CD8B2: variants seen among roughly 807,000 people sequenced by gnomAD.
CD8B2 encodes T-cell surface glycoprotein CD8 beta-2 chain.
A neutral mutation model predicts 23.7 loss-of-function variants in CD8B2; 11 were observed. The observed-to-expected ratio is 0.46, with a 90% CI of 0.29 to 0.77. The LOEUF is 0.77. Among genes scored for constraint, CD8B2 ranks in the 30% least tolerant of loss-of-function variants. CD8B2 has a pLI of 0.09. For missense variants in CD8B2, 197 were observed against 270.5 expected (o/e 0.73, Z 1.91); for synonymous variants, 90 against 109.3 (o/e 0.82, Z 1.10).
At chr2:106,525,364 G>A (rs913654984) in intron 5 of CD8B2, among the ~76,000 whole-genome samples, 1 of 152,128 alleles carries the variant, frequency 6.6e-6, no homozygotes. Flanking sequence ...CAGGTCTTGG[G>A]CATGTTTGTT....
At chr2:106,503,821 A>T (rs1679457587) in intron 4 of CD8B2, among the ~76,000 whole-genome samples, 1 of 152,206 alleles carries the variant, frequency 6.6e-6, no homozygotes, top group Admixed American at 6.5e-5. Context: ...AAATGTCAAT[A>T]GACATGCTTT....
At chr2:106,511,577 C>T (rs1343552916), downstream of CD8B2, among the ~76,000 whole-genome samples, 2 of 152,006 alleles carry the variant, frequency 1.3e-5, no homozygotes, top group African/African-American at 2.4e-5. Context: ...CCCCGCCCCG[C>T]AGCTTGTGTC....
At chr2:106,513,329 A>G (rs1679672909), downstream of CD8B2, among the ~76,000 whole-genome samples, 1 of 152,108 alleles carries the variant, frequency 6.6e-6, no homozygotes, top group Non-Finnish European at 1.5e-5. Context: ...ACACAGGCTC[A>G]AGGCTGGCAC....
At chr2:106,487,522 G>C (rs1395440047) in intron 1 of CD8B2, 53 bp downstream of exon 1, 14 of 1,092,376 alleles carry the variant, frequency 1.3e-5, no homozygotes, top group Non-Finnish European at 1.4e-5. Context: ...GGGCCTGAGC[G>C]GGGAGGTGAT....
At chr2:106,522,417 T>C (rs1558884038) in intron 5 of CD8B2, among the ~76,000 whole-genome samples, 2 of 152,192 alleles carry the variant, frequency 1.3e-5, no homozygotes, top group African/African-American at 4.8e-5. Flanking sequence ...GAAGAATAAG[T>C]CACCAATTAA....
At chr2:106,494,788 C>T (rs1206725556) in intron 2 of CD8B2, among the ~76,000 whole-genome samples, 1 of 152,200 alleles carries the variant, frequency 6.6e-6, no homozygotes, top group East Asian at 1.9e-4. Context: ...ACAGCACTCA[C>T]CACTTGGGGC....
chr2:106,518,490 C>T (rs1044549699), intron 5 of CD8B2, among the ~76,000 whole-genome samples: 8 of 152,166 alleles, frequency 5.3e-5, no homozygotes, highest in African/African-American at 9.7e-5. Context: ...TTTACTTAAT[C>T]AACTCATATT....
intron 5 of CD8B2, among the ~76,000 whole-genome samples, chr2:106,536,030 CTTTTTTTT>C (rs869103310): frequency 1.6e-5 from 2 of 123,896 alleles, no homozygotes; most frequent in South Asian, 2.7e-4. Context: ...GCCACACACA[CTTTTTTTT>C]TTTTTTTTTT....
intron 1 of CD8B2, among the ~76,000 whole-genome samples, chr2:106,490,204 G>A (rs1326850162): frequency 2.0e-5 from 3 of 152,060 alleles, no homozygotes; most frequent in African/African-American, 4.8e-5. Flanking sequence ...GCCTACCGAA[G>A]GGCTGTACAT....
chr2:106,539,275 A>G (rs1680137421), intron 5 of CD8B2, among the ~76,000 whole-genome samples: 1 of 152,240 alleles, frequency 6.6e-6, no homozygotes, highest in African/African-American at 2.4e-5. Context: ...CAGGTATCAC[A>G]GCACCTAGCA....
At chr2:106,528,964 C>T (rs1299855078) in intron 5 of CD8B2, among the ~76,000 whole-genome samples, 3 of 152,176 alleles carry the variant, frequency 2.0e-5, no homozygotes, top group East Asian at 3.9e-4. Flanking sequence ...GACGAGTTTC[C>T]TGATATAGCG....
intron 1 of CD8B2, among the ~76,000 whole-genome samples, chr2:106,487,965 C>T (rs1187472524): frequency 2.6e-5 from 4 of 152,042 alleles, no homozygotes; most frequent in African/African-American, 9.7e-5. Flanking sequence ...CCCTCTGGCT[C>T]CCGTTCTCCC....
chr2:106,540,784 C>T (rs1173493241), intron 5 of CD8B2, among the ~76,000 whole-genome samples: 2 of 152,092 alleles, frequency 1.3e-5, no homozygotes, highest in Non-Finnish European at 2.9e-5. Context: ...AGGCTGGTAT[C>T]GAACTCCTGA....
At position 106,491,012 on chromosome 2, in the gene CD8B2, C is replaced by G; in HGVS notation, c.182C>G (p.Pro61Arg). The change falls in exon 2 of 6, where the codon CCG (proline) becomes CGG (arginine). Residue 61 changes from proline to arginine, a missense_variant. By Grantham distance (103) the Pro-to-Arg change is moderately radical (BLOSUM62 -2). Coordinates refer to ENST00000643224, the MANE Select transcript of CD8B2 (RefSeq NM_001349727.2). ...CIYWLRQRQA[P>R]SSDSHHEFLT... Reference sequence around the variant, plus strand: ...TACTGGCTGAGACAGCGCCAGGCCCCGAGCAGTGATAGTCACCACGAGTTC... The same window carrying G: ...TACTGGCTGAGACAGCGCCAGGCCCGGAGCAGTGATAGTCACCACGAGTTC... The G allele has an allele frequency of 1.2e-6, 2 of 1,613,970 alleles. No individual in the cohort carries two copies. Among genetic ancestry groups the G allele is most frequent in the East Asian group, 2.2e-5 (1 of 44,872 alleles).
chr2:106,524,689 TG>T (rs1176971014), intron 5 of CD8B2, among the ~76,000 whole-genome samples: 1 of 152,222 alleles, frequency 6.6e-6, no homozygotes, highest in East Asian at 1.9e-4. Context: ...ATTCTCTTAG[TG>T]GTCTCAAGAG....
intron 5 of CD8B2, among the ~76,000 whole-genome samples, chr2:106,504,677 T>G (rs1016102879): frequency 1.3e-5 from 2 of 152,124 alleles, no homozygotes; most frequent in African/African-American, 4.8e-5. Flanking sequence ...GACCAATAAG[T>G]TAAATGTATT....
At chr2:106,503,193 A>G (rs1244750550) in intron 4 of CD8B2, among the ~76,000 whole-genome samples, 2 of 152,056 alleles carry the variant, frequency 1.3e-5, no homozygotes, top group Non-Finnish European at 2.9e-5. Context: ...CCTAGAGCCC[A>G]GAGCCCAGAC....
chr2:106,515,051 G>T (rs1466307262), downstream of CD8B2, among the ~76,000 whole-genome samples: 1 of 152,172 alleles, frequency 6.6e-6, no homozygotes. Context: ...GCCTCTCCCA[G>T]TCCACTGACT....
chr2:106,543,603 G>A lies in CD8B2; in HGVS notation c.621-389G>A, dbSNP rs57618253. ...AAACAAAATATCCAAAGCCAAGACT[G>A]CACCACTGCACTCCAGCCTGGGTAA... On this transcript the variant is annotated intron_variant, in intron 5 of 5. Transcript: ENST00000416057. Among the ~76,000 whole-genome samples the A allele has an allele frequency of 4.1e-3, 617 of 151,158 alleles. 4 individuals are homozygous for A. The highest frequency in any genetic ancestry group is 0.014 in the African/African-American group (584 of 40,856).
Sources: allele counts gnomAD v4.1 joint callset (sites outside exome capture counted in the v4.1 genomes callset), GRCh38; gene constraint gnomAD v4.1.1; transcripts MANE v1.5; gene names NCBI Gene and HGNC (gene_info 2026-07-23, HGNC 2026-07-21).